Variants in TTF1 observed in about 807,000 individuals in gnomAD.
TTF1 encodes the protein transcription termination factor 1.
Under a neutral mutation model 80.2 loss-of-function variants are expected in TTF1, and 64 were observed. That is an observed-to-expected ratio of 0.80 (90% CI 0.65 to 0.98). The LOEUF (loss-of-function observed/expected upper bound fraction) is 0.98. Ranked by LOEUF, TTF1 falls within the 50% of genes least tolerant of loss-of-function variation. The pLI is 0.00. For missense variants in TTF1, 1,023 were observed against 1,086.2 expected (o/e 0.94, Z 0.82); for synonymous variants, 372 against 382.7 (o/e 0.97, Z 0.33).
intron 9 of TTF1, among the ~76,000 whole-genome samples, chr9:132,386,123 A>G (rs535354934): frequency 1.3e-5 from 2 of 152,320 alleles, no homozygotes; most frequent in South Asian, 4.1e-4. Context: ...GGTCAACTCG[A>G]CTGTATGGTA....
rs1282084495 is a variant in TTF1, at chr9:132,396,419, G to A, written c.1856+14C>T. The A allele has an allele frequency of 6.2e-7, 1 of 1,613,538 alleles. No individual in the cohort carries two copies. Among genetic ancestry groups the A allele is most frequent in the Non-Finnish European group, 8.5e-7 (1 of 1,179,448 alleles). On this transcript the variant is annotated intron_variant, in intron 5 of 10. Transcript: ENST00000334270. ...GAGAAATGTTGTCTCAAGCTGCTAA[G>A]ACTTTTTTCTTACCTGCCTTTGTAA...
At chr9:132,398,847 C>T in intron 3 of TTF1, among the ~76,000 whole-genome samples, 1 of 152,178 alleles carries the variant, frequency 6.6e-6, no homozygotes, top group East Asian at 1.9e-4. Context: ...GCCTTGGCCT[C>T]CCAAAGTGCT....
At chr9:132,385,511 C>T (rs1462657435) in intron 9 of TTF1, among the ~76,000 whole-genome samples, 1 of 152,154 alleles carries the variant, frequency 6.6e-6, no homozygotes, top group African/African-American at 2.4e-5. Context: ...TTCTGGGCCA[C>T]CTGGTCCCTT....
intron 9 of TTF1, among the ~76,000 whole-genome samples, chr9:132,379,987 C>T (rs1199385761): frequency 6.6e-6 from 1 of 152,128 alleles, no homozygotes; most frequent in Non-Finnish European, 1.5e-5. Flanking sequence ...AAAAGATGAT[C>T]AGATTCTTCC....
Position 132,400,236 on chromosome 9 carries a change from G to A in TTF1, c.1390C>T (p.His464Tyr), listed in dbSNP as rs374464106. 1 of 1,614,042 alleles carries A rather than the reference G, an allele frequency of 6.2e-7. No individual in the cohort carries two copies. Residue 464 changes from histidine (H) to tyrosine (Y), a missense_variant, in exon 3 of 11, where the codon CAC (histidine) becomes TAC (tyrosine). Transcript: ENST00000334270. Reference protein sequence around the residue: ...APRLEPANEEHNVETAEDSEI... With the variant: ...APRLEPANEEYNVETAEDSEI... ...GAATCTTCAGCTGTTTCCACATTGT[G>A]TTCTTCATTTGCAGGTTCTAACCTA...
Position 132,375,895 on chromosome 9 carries a change from C to A in TTF1, c.*20G>T. ...ACAGGTCTTCACCATGTTGGTCAGG[C>A]CGGTCTCGAACTCCTGACCTCAGAT... is the stretch of plus-strand genomic sequence containing the variant. On this transcript the variant is annotated 3_prime_UTR_variant, in exon 11 of 11. Coordinates refer to ENST00000334270, the MANE Select transcript of TTF1 (RefSeq NM_007344.4). 4 of 1,446,826 alleles carry A rather than the reference C, an allele frequency of 2.8e-6. No homozygotes were observed. The highest frequency in any genetic ancestry group is 3.8e-6 in the Non-Finnish European group (4 of 1,054,046). 89.6% of individuals were successfully genotyped at this position (1,446,826 alleles called of 1,614,324 possible).
In TTF1 at chr9:132,390,686, A is replaced by G. The variant is rs762617530; in HGVS notation, c.2133T>C (p.Ile711=). Residue 711 remains isoleucine, a synonymous_variant, in exon 7 of 11, where the codon ATT becomes ATC. Transcript: ENST00000334270. ...TGCCCTTGTAGAGTTTTTCCCGAAC[A>G]ATTGATAGGCAACTTTCAGGATTTT... is the stretch of plus-strand genomic sequence containing the variant. ...LQENPESCLS[I]VREKLYKGIS... 5.6e-6 allele frequency: 9 copies of G among 1,614,248 alleles called. No homozygotes were observed. In the South Asian group the frequency reaches 7.7e-5, roughly 14 times the overall value.
Position 132,379,069 on chromosome 9 carries a change from C to CT in TTF1, c.2453dup (p.Thr819AspfsTer11), listed in dbSNP as rs1374621463. On this transcript the variant is annotated frameshift_variant, in exon 10 of 11. Transcript: ENST00000334270. LOFTEE classifies it low-confidence loss of function (END_TRUNC). ...ATTAAGAATACTAACCTGGAAAAGT[C>CT]TTTTTCTGCCAAAATGGAACATAGA... 6.2e-7 allele frequency: 1 copy of CT among 1,606,558 alleles called. No individual in the cohort carries two copies. Among genetic ancestry groups the CT allele is most frequent in the South Asian group, 1.1e-5 (1 of 88,908 alleles).
At chr9:132,377,303 GGTGTGAGTGCATGTGGTGTGT>G (rs1849208953) in intron 10 of TTF1, among the ~76,000 whole-genome samples, 1 of 130,192 alleles carries the variant, frequency 7.7e-6, no homozygotes, top group Non-Finnish European at 1.6e-5. Flanking sequence ...GAATGCATGT[GGTGTGAGTGCATGTGGTGTGT>G]GTGTGAATGC....
chr9:132,383,045 A>G (rs1377975816), intron 9 of TTF1, among the ~76,000 whole-genome samples: 1 of 137,130 alleles, frequency 7.3e-6, no homozygotes, highest in African/African-American at 2.8e-5. Context: ...AGCCTGGGCA[A>G]CAAGAGTGAA....
At position 132,406,152 on chromosome 9, in the gene TTF1, C is replaced by A. The variant is rs558505489; in HGVS notation, c.-8+638G>T. ...TATCCCCCCTTACTCAGAACATACA[C>A]TTCCCGCTCTGCAGGTACGTGCCCA... On this transcript the variant is annotated intron_variant, in intron 1 of 10. Coordinates refer to ENST00000334270, the MANE Select transcript of TTF1 (RefSeq NM_007344.4). 1.8e-4 allele frequency among the ~76,000 whole-genome samples: 28 copies of A among 152,304 alleles called. 1 individual carries two copies. In the South Asian group the frequency reaches 3.5e-3, roughly 19 times the overall value.
intron 2 of TTF1, among the ~76,000 whole-genome samples, chr9:132,400,753 G>C (rs145141988): frequency 6.6e-6 from 1 of 152,176 alleles, no homozygotes; most frequent in African/African-American, 2.4e-5. Context: ...ATATCTCAGA[G>C]GGAGCCTAGA....
In TTF1 at chr9:132,402,645, G is replaced by A; in HGVS notation, c.177C>T (p.Phe59=). Residue 59 remains phenylalanine (F), a synonymous_variant, in exon 2 of 11, where the codon TTC becomes TTT. Transcript: ENST00000334270. ...TCAAAGGAGAAGAAATGAGATGCTGGAAATCTTTTTTCCTCTTTTTCCTCC... is the reference window on the plus strand; with the variant it reads ...TCAAAGGAGAAGAAATGAGATGCTGAAAATCTTTTTTCCTCTTTTTCCTCC... ...ITRRKKRKKD[F]QHLISSPLKK... is the part of the protein sequence containing the mutation. 1 of 1,613,214 alleles carries A rather than the reference G, an allele frequency of 6.2e-7. No homozygotes were observed. Among genetic ancestry groups the A allele is most frequent in the Non-Finnish European group, 8.5e-7 (1 of 1,179,796 alleles).
intron 9 of TTF1, among the ~76,000 whole-genome samples, chr9:132,381,005 A>G (rs1849362969): frequency 6.6e-6 from 1 of 151,970 alleles, no homozygotes; most frequent in Non-Finnish European, 1.5e-5. Flanking sequence ...TCTGGCTCCC[A>G]GGCTCAAGCG....
chr9:132,393,317 A>G, intron 5 of TTF1, among the ~76,000 whole-genome samples: 1 of 150,074 alleles, frequency 6.7e-6, no homozygotes, highest in East Asian at 2.0e-4. Flanking sequence ...GCACTGTAAC[A>G]TGTTCATGAT....
At chr9:132,398,029 G>T in intron 4 of TTF1, 112 bp downstream of exon 4, 2 of 779,338 alleles carry the variant, frequency 2.6e-6, no homozygotes, top group Non-Finnish European at 3.9e-6. Context: ...AGCAGTTAAT[G>T]TGCGCCGCCT....
At chr9:132,389,687 G>C (rs557305660) in intron 7 of TTF1, among the ~76,000 whole-genome samples, 10 of 152,170 alleles carry the variant, frequency 6.6e-5, no homozygotes, top group Admixed American at 1.3e-4. Context: ...TCATGTGCAA[G>C]GTAGGGGGGT....
intron 1 of TTF1, among the ~76,000 whole-genome samples, chr9:132,403,078 C>G (rs1254237001): frequency 6.6e-6 from 1 of 152,136 alleles, no homozygotes; most frequent in African/African-American, 2.4e-5. Context: ...CCAGGATGGT[C>G]TCGATCTCCT....
chr9:132,397,884 G>T (rs1194282615), intron 4 of TTF1, among the ~76,000 whole-genome samples: 1 of 152,064 alleles, frequency 6.6e-6, no homozygotes, highest in African/African-American at 2.4e-5. Flanking sequence ...TACTCAGGAG[G>T]CTGAGGCAGG....
Sources: gnomAD v4.1 joint callset for allele counts (sites outside exome capture counted in the v4.1 genomes callset) on GRCh38, gnomAD v4.1.1 for gene constraint, MANE v1.5 for transcripts, NCBI Gene and HGNC (gene_info 2026-07-23, HGNC 2026-07-21) for gene names.